The following COX7B2 variants were observed in gnomAD, a reference collection of about 807,000 sequenced individuals.
COX7B2 encodes the protein cytochrome c oxidase subunit 7B2, also known as cytochrome c oxidase subunit 7B2, mitochondrial.
For synonymous variants in COX7B2, 37 were observed against 32.1 expected (o/e 1.15, Z -0.51); for missense variants, 109 against 95.9 (o/e 1.14, Z -0.57).
intron 2 of COX7B2, among the ~76,000 whole-genome samples, chr4:46,767,706 A>G (rs1171862895): frequency 6.6e-6 from 1 of 152,244 alleles, no homozygotes; most frequent in Middle Eastern, 3.2e-3. Flanking sequence ...AAAACTGGAA[A>G]TTTCACAAGT....
intron 2 of COX7B2, among the ~76,000 whole-genome samples, chr4:46,784,715 AT>A (rs1253122961): frequency 6.6e-6 from 1 of 152,220 alleles, no homozygotes; most frequent in African/African-American, 2.4e-5. Flanking sequence ...CAACCCCAAG[AT>A]CCACAGAAGG....
At chr4:46,900,427 T>C (rs10017677) in intron 1 of COX7B2, among the ~76,000 whole-genome samples, 36,936 of 152,050 alleles carry the variant, frequency 0.24, 4,688 homozygotes, top group East Asian at 0.29. Context: ...ACATGGGTAG[T>C]TTGGCTTCTT....
At chr4:46,879,433 G>T (rs1187632976) in intron 1 of COX7B2, among the ~76,000 whole-genome samples, 1 of 151,310 alleles carries the variant, frequency 6.6e-6, no homozygotes, top group Non-Finnish European at 1.5e-5. Context: ...ATAGGGATGG[G>T]GTCTCACCAT....
Position 46,803,727 on chromosome 4 carries a change from ACTTT to A in COX7B2, c.-50+41229_-50+41232del, listed in dbSNP as rs1484321673. ...CATTGGCTTAAATTAAGCCTGGTTT[ACTTT>A]CTTTTTTTTTTTTTTTTTTTTAACA... is the stretch of plus-strand genomic sequence containing the variant. On this transcript the variant is annotated intron_variant, in intron 2 of 2. Transcript: ENST00000355591. Among the ~76,000 whole-genome samples the A allele has an allele frequency of 1.1e-3, 131 of 123,528 alleles. 1 individual carries two copies. Among genetic ancestry groups the A allele is most frequent in the African/African-American group, 3.9e-3 (128 of 33,136 alleles). The allele number at this position is 123,528 out of a possible 152,430, so 81.0% of individuals were successfully genotyped here.
intron 1 of COX7B2, among the ~76,000 whole-genome samples, chr4:46,863,877 A>G (rs981865886): frequency 6.6e-6 from 1 of 152,218 alleles, no homozygotes; most frequent in African/African-American, 2.4e-5. Context: ...ATTGCTTAAA[A>G]AAAGTTTTAA....
In COX7B2 at chr4:46,838,736, C is replaced by G. The variant is rs551726626; in HGVS notation, c.-50+6224G>C. Among the ~76,000 whole-genome samples, 27 of 152,158 alleles carry G rather than the reference C, an allele frequency of 1.8e-4. 1 individual carries two copies. The highest frequency in any genetic ancestry group is 1.2e-3 in the Admixed American group (19 of 15,266). On this transcript the variant is annotated intron_variant, in intron 2 of 2. Coordinates refer to ENST00000355591, the MANE Select transcript of COX7B2 (RefSeq NM_130902.3). ...TGGCAGCTTTCATTTCACTTGTCTTCTGGGAAAACTCTGTGTGTCACAGTT... is the reference window on the plus strand; with the variant it reads ...TGGCAGCTTTCATTTCACTTGTCTTGTGGGAAAACTCTGTGTGTCACAGTT...
chr4:46,810,029 C>T (rs1206523457), intron 2 of COX7B2, among the ~76,000 whole-genome samples: 2 of 152,028 alleles, frequency 1.3e-5, no homozygotes, highest in Admixed American at 6.5e-5. Flanking sequence ...GACTTCAAGT[C>T]TATTCTATCA....
chr4:46,812,156 G>A (rs987573486), intron 2 of COX7B2, among the ~76,000 whole-genome samples: 2 of 152,084 alleles, frequency 1.3e-5, no homozygotes, highest in Non-Finnish European at 2.9e-5. Context: ...GAACAGCTGT[G>A]GAACTGGGTT....
At chr4:46,797,974 G>T (rs1330710793) in intron 2 of COX7B2, among the ~76,000 whole-genome samples, 1 of 152,090 alleles carries the variant, frequency 6.6e-6, no homozygotes, top group East Asian at 1.9e-4. Context: ...TATATAAACT[G>T]GCCAGCCCCA....
At chr4:46,749,021 A>G (rs2109423982) in intron 2 of COX7B2, among the ~76,000 whole-genome samples, 1 of 152,266 alleles carries the variant, frequency 6.6e-6, no homozygotes, top group Non-Finnish European at 1.5e-5. Flanking sequence ...AGTGTCTGCA[A>G]AATCAATAGA....
chr4:46,908,812 C>T (rs1391232597), intron 1 of COX7B2, among the ~76,000 whole-genome samples: 3 of 149,810 alleles, frequency 2.0e-5, no homozygotes, highest in Admixed American at 6.7e-5. Flanking sequence ...GAGGCCGAGG[C>T]GGGTGGATCA....
chr4:46,748,076 T>A (rs1715130088), intron 2 of COX7B2, among the ~76,000 whole-genome samples: 1 of 133,894 alleles, frequency 7.5e-6, no homozygotes, highest in Non-Finnish European at 1.6e-5. Flanking sequence ...AACTTTCTGA[T>A]TTACATTAAA....
At chr4:46,815,439 A>G (rs1374045575) in intron 2 of COX7B2, among the ~76,000 whole-genome samples, 3 of 152,160 alleles carry the variant, frequency 2.0e-5, no homozygotes, top group Non-Finnish European at 4.4e-5. Flanking sequence ...TGTTAATTCT[A>G]ATAAAACCTT....
intron 1 of COX7B2, among the ~76,000 whole-genome samples, chr4:46,890,275 C>G (rs1719353178): frequency 6.6e-6 from 1 of 152,184 alleles, no homozygotes; most frequent in Admixed American, 6.5e-5. Flanking sequence ...CTGCTAAAAG[C>G]TAGATCTGGC....
chr4:46,869,836 T>A (rs1485851959), intron 1 of COX7B2, among the ~76,000 whole-genome samples: 1 of 152,178 alleles, frequency 6.6e-6, no homozygotes, highest in East Asian at 1.9e-4. Flanking sequence ...GTGGAAAATC[T>A]GATGATTATG....
chr4:46,848,692 TCCAAA>T (rs1716458752), intron 1 of COX7B2, among the ~76,000 whole-genome samples: 1 of 152,104 alleles, frequency 6.6e-6, no homozygotes, highest in Non-Finnish European at 1.5e-5. Context: ...GTAAGACACA[TCCAAA>T]ATGTGTCCCT....
At chr4:46,872,560 T>A (rs555794477) in intron 1 of COX7B2, among the ~76,000 whole-genome samples, 131 of 152,298 alleles carry the variant, frequency 8.6e-4, no homozygotes, top group Admixed American at 3.1e-3. Flanking sequence ...AAACTACAAT[T>A]TGGGGGCTTA....
chr4:46,894,725 T>G (rs1467799023), intron 1 of COX7B2, among the ~76,000 whole-genome samples: 1 of 152,102 alleles, frequency 6.6e-6, no homozygotes, highest in African/African-American at 2.4e-5. Flanking sequence ...GAGAAAATAT[T>G]TGCAAACTAC....
At chr4:46,858,068 C>T (rs1717106135) in intron 1 of COX7B2, among the ~76,000 whole-genome samples, 1 of 152,070 alleles carries the variant, frequency 6.6e-6, no homozygotes. Flanking sequence ...CCATTCCACC[C>T]CAATATATAC....
Sources: gnomAD v4.1 joint callset for allele counts (sites outside exome capture counted in the v4.1 genomes callset) on GRCh38, gnomAD v4.1.1 for gene constraint, MANE v1.5 for transcripts, NCBI Gene and HGNC (gene_info 2026-07-23, HGNC 2026-07-21) for gene names.